Variants in N4BP2L2 observed in about 807,000 individuals in gnomAD.
N4BP2L2 encodes the protein NEDD4 binding protein 2 like 2.
In N4BP2L2, 50 loss-of-function variants were observed where a neutral mutation model predicts 56.2. The observed-to-expected ratio is 0.89, with a 90% CI of 0.71 to 1.13. The LOEUF (loss-of-function observed/expected upper bound fraction) is 1.13. N4BP2L2 is among the 50% of genes most tolerant of loss of function. The pLI is 0.00. For synonymous variants in N4BP2L2, 203 were observed against 223.6 expected (o/e 0.91, Z 0.82); for missense variants, 689 against 693.8 (o/e 0.99, Z 0.08).
At chr13:32,478,062 G>A in intron 6 of N4BP2L2, 1 of 1,288,674 alleles carries the variant, frequency 7.8e-7, no homozygotes, top group Non-Finnish European at 1.0e-6. Context: ...TGGGAAAATT[G>A]TGAAATATAT....
At chr13:32,501,057 G>A (rs917495632) in intron 6 of N4BP2L2, among the ~76,000 whole-genome samples, 8 of 152,022 alleles carry the variant, frequency 5.3e-5, no homozygotes, top group African/African-American at 1.9e-4. Flanking sequence ...TAGTAAAGAC[G>A]AGGTTTCGCC....
Position 32,477,817 on chromosome 13 carries a change from C to T in N4BP2L2, c.366-33691G>A, listed in dbSNP as rs2083670171. 6 of 1,239,424 alleles carry T rather than the reference C, an allele frequency of 4.8e-6. No individual in the cohort carries two copies. In the South Asian group the frequency reaches 7.7e-5, roughly 16 times the overall value. The allele number at this position is 1,239,424 out of a possible 1,614,324, so 76.8% of individuals were successfully genotyped here. On this transcript the variant is annotated intron_variant, in intron 6 of 9. Coordinates refer to the N4BP2L2 transcript ENST00000357505. ...AAGAGGTATACAGCTGAGAAATACTCAGCGGATTATTGGCATAGTTGTTTG... is the reference window on the plus strand; with the variant it reads ...AAGAGGTATACAGCTGAGAAATACTTAGCGGATTATTGGCATAGTTGTTTG...
exon 7 of N4BP2L2, chr13:32,443,185 G>A (rs759526303): frequency 8.7e-6 from 14 of 1,613,908 alleles, no homozygotes; most frequent in South Asian, 3.3e-5. Flanking sequence ...TTCAGGTGGA[G>A]GTGAAAAATC....
intron 6 of N4BP2L2, among the ~76,000 whole-genome samples, chr13:32,455,585 C>T (rs891090323): frequency 1.9e-4 from 29 of 152,196 alleles, no homozygotes; most frequent in African/African-American, 7.0e-4. Context: ...CCCGCACTCT[C>T]AACACTTTTG....
intron 6 of N4BP2L2, among the ~76,000 whole-genome samples, chr13:32,457,250 C>T (rs2079130480): frequency 6.6e-6 from 1 of 152,108 alleles, no homozygotes; most frequent in South Asian, 2.1e-4. Context: ...CATGAAATTA[C>T]TAAATACACA....
chr13:32,481,150 G>GAAAAA (rs2084658537), intron 6 of N4BP2L2, among the ~76,000 whole-genome samples: 1 of 90,614 alleles, frequency 1.1e-5, no homozygotes, highest in Non-Finnish European at 2.2e-5. Context: ...AAAAAAAAAG[G>GAAAAA]ATTGCACTTT....
At chr13:32,442,352 T>C in intron 7 of N4BP2L2, 1 of 1,481,204 alleles carries the variant, frequency 6.8e-7, no homozygotes, top group Non-Finnish European at 9.1e-7. Context: ...TATGTTAAAC[T>C]GGATCTTTTA....
At chr13:32,478,441 T>C (rs1472874953) in intron 6 of N4BP2L2, 2 of 171,796 alleles carry the variant, frequency 1.2e-5, no homozygotes, top group African/African-American at 4.7e-5. Flanking sequence ...AAAGCAGCTT[T>C]AGTGAAAGGA....
At chr13:32,522,141 C>A in intron 4 of N4BP2L2, 41 bp downstream of exon 4, 1 of 1,319,634 alleles carries the variant, frequency 7.6e-7, no homozygotes. Context: ...AAAAAATTGA[C>A]AAGAATAAAA....
chr13:32,463,302 A>C, intron 6 of N4BP2L2, among the ~76,000 whole-genome samples: 1 of 152,220 alleles, frequency 6.6e-6, no homozygotes, highest in East Asian at 1.9e-4. Flanking sequence ...AGTGGAGAAG[A>C]GCTGAAGAGA....
intron 6 of N4BP2L2, among the ~76,000 whole-genome samples, chr13:32,472,319 G>A (rs766020114): frequency 2.0e-5 from 3 of 152,186 alleles, no homozygotes; most frequent in Non-Finnish European, 2.9e-5. Flanking sequence ...AGAGAGAAAC[G>A]TCAATACTAA....
chr13:32,517,601 G>C (rs2049517798), exon 6 of N4BP2L2: 1 of 1,359,086 alleles, frequency 7.4e-7, no homozygotes. Flanking sequence ...TACAACAAGA[G>C]AATATAAAAA....
chr13:32,477,363 A>G (rs1479064865), intron 6 of N4BP2L2: 1 of 188,962 alleles, frequency 5.3e-6, no homozygotes, highest in South Asian at 1.2e-4. Flanking sequence ...TGTATCTGCA[A>G]TTTACCAAAC....
At chr13:32,505,142 A>G (rs907088064) in intron 6 of N4BP2L2, 9 of 152,224 alleles carry the variant, frequency 5.9e-5, no homozygotes, top group Non-Finnish European at 1.3e-4. Context: ...TTGCCTTCTC[A>G]ATCATCTTCA....
rs564161432 is a variant in N4BP2L2, at chr13:32,478,215, T to C, written c.366-34089A>G. ...TAATAAAACAGGAATATTATGACAT[T>C]TAAGAAGCGTACCACTGCAGGTGTA... On this transcript the variant is annotated intron_variant, in intron 6 of 9. Transcript: ENST00000357505. The C allele has an allele frequency of 4.5e-5, 19 of 424,872 alleles. No individual in the cohort carries two copies. In the East Asian group the frequency reaches 1.4e-3, roughly 31 times the overall value. 26.3% of individuals were successfully genotyped at this position (424,872 alleles called of 1,614,324 possible).
intron 6 of N4BP2L2, chr13:32,477,678 C>T (rs1593711437): frequency 2.9e-6 from 1 of 349,458 alleles, no homozygotes; most frequent in Non-Finnish European, 5.5e-6. Flanking sequence ...ATCAGAAAAC[C>T]GTTTGTTCAG....
intron 6 of N4BP2L2, among the ~76,000 whole-genome samples, chr13:32,459,177 T>A (rs1393847552): frequency 1.3e-5 from 2 of 152,008 alleles, no homozygotes; most frequent in African/African-American, 2.4e-5. Flanking sequence ...AATGCCTACA[T>A]TAAGAAACTA....
In N4BP2L2 at chr13:32,527,543, A is replaced by C. The variant is rs1237596240; in HGVS notation, c.1260-11T>G. On this transcript the variant is annotated splice_polypyrimidine_tract_variant and intron_variant, in intron 2 of 5. Transcript: ENST00000267068. ...TGACCAAGCAGAATTCTGTTAATAA[A>C]AGAAATCATAAAGGTGCCATTTACA... 1.2e-6 allele frequency: 2 copies of C among 1,608,848 alleles called. No individual in the cohort carries two copies. The highest frequency in any genetic ancestry group is 1.7e-6 in the Non-Finnish European group (2 of 1,179,626).
Position 32,493,048 on chromosome 13 carries a change from G to C in N4BP2L2, c.365+24809C>G, listed in dbSNP as rs1013589748. On this transcript the variant is annotated intron_variant, in intron 6 of 9. Coordinates refer to the N4BP2L2 transcript ENST00000357505. ...AGTGATTCTCCTGCCTCACCCTCCC[G>C]AGTAGCTGGGATTACAGGTGCCTGC... Among the ~76,000 whole-genome samples the C allele has an allele frequency of 2.0e-5, 3 of 148,002 alleles. No homozygotes were observed. The South Asian group carries it at 6.5e-4, about 32-fold the overall frequency.
Sources: gnomAD v4.1 joint callset for allele counts (sites outside exome capture counted in the v4.1 genomes callset) on GRCh38, gnomAD v4.1.1 for gene constraint, MANE v1.5 for transcripts, NCBI Gene and HGNC (gene_info 2026-07-23, HGNC 2026-07-21) for gene names.